The following NRG1 variants were observed in gnomAD, a reference collection of about 807,000 sequenced individuals.
NRG1 encodes the protein pro-neuregulin-1, membrane-bound isoform.
A neutral mutation model predicts 63.8 loss-of-function variants in NRG1; 18 were observed. The observed-to-expected ratio is 0.28, with a 90% CI of 0.19 to 0.42. The LOEUF is 0.42. Ranked by LOEUF, NRG1 falls within the 10% of genes least tolerant of loss-of-function variation. The pLI is 1.00. For missense variants in NRG1, 762 were observed against 814.7 expected, an observed-to-expected ratio of 0.94 and a Z score of 0.79; for synonymous variants, 302 against 301.3, an observed-to-expected ratio of 1.00 and a Z score of -0.02.
intron 1 of NRG1, among the ~76,000 whole-genome samples, chr8:31,820,056 C>T (rs775094630): frequency 6.6e-6 from 1 of 150,528 alleles, no homozygotes; most frequent in Non-Finnish European, 1.5e-5. Flanking sequence ...ATAACTGATA[C>T]TTCCTTTGTG....
intron 1 of NRG1, among the ~76,000 whole-genome samples, chr8:31,673,229 C>G (rs1242680944): frequency 6.6e-6 from 1 of 152,050 alleles, no homozygotes; most frequent in Non-Finnish European, 1.5e-5. Context: ...AGAAGAGAAT[C>G]CGTATCATAA....
intron 1 of NRG1, among the ~76,000 whole-genome samples, chr8:32,377,149 TAG>T (rs1809733597): frequency 6.6e-6 from 1 of 152,190 alleles, no homozygotes; most frequent in Non-Finnish European, 1.5e-5. Flanking sequence ...CCAGTGCACA[TAG>T]AGTGTTCAAC....
intron 1 of NRG1, among the ~76,000 whole-genome samples, chr8:32,365,375 G>T (rs1807823376): frequency 6.7e-6 from 1 of 150,150 alleles, no homozygotes; most frequent in Non-Finnish European, 1.5e-5. Flanking sequence ...GCTTTTTTTT[G>T]GACTTGCATT....
intron 1 of NRG1, among the ~76,000 whole-genome samples, chr8:32,247,252 G>A (rs1175352213): frequency 6.6e-6 from 1 of 151,936 alleles, no homozygotes. Context: ...GTGACATCGG[G>A]ACTCAAAGAA....
At chr8:32,677,162 T>C (rs1807343095) in intron 5 of NRG1, among the ~76,000 whole-genome samples, 1 of 152,114 alleles carries the variant, frequency 6.6e-6, no homozygotes, top group African/African-American at 2.4e-5. Flanking sequence ...TGAATCAAAT[T>C]TTCCTCTTCA....
At chr8:32,021,507 C>T (rs1011295409) in intron 1 of NRG1, among the ~76,000 whole-genome samples, 2 of 152,148 alleles carry the variant, frequency 1.3e-5, no homozygotes, top group Non-Finnish European at 2.9e-5. Flanking sequence ...AGGATCTGCC[C>T]TCATAACCCA....
intron 1 of NRG1, among the ~76,000 whole-genome samples, chr8:32,496,757 A>AT (rs1280521519): frequency 6.6e-6 from 1 of 152,148 alleles, no homozygotes; most frequent in African/African-American, 2.4e-5. Context: ...TATCACTATT[A>AT]TTTTAATTCA....
At chr8:32,659,349 T>C (rs921329930) in intron 5 of NRG1, among the ~76,000 whole-genome samples, 13 of 152,104 alleles carry the variant, frequency 8.5e-5, no homozygotes, top group Admixed American at 7.2e-4. Flanking sequence ...GGTTTCACCA[T>C]GTTGGCCAGG....
At chr8:32,518,657 A>G (rs916510245) in intron 1 of NRG1, among the ~76,000 whole-genome samples, 1 of 152,336 alleles carries the variant, frequency 6.6e-6, no homozygotes, top group Non-Finnish European at 1.5e-5. Flanking sequence ...AGTGCTTATT[A>G]CCATAAGGAT....
intron 1 of NRG1, among the ~76,000 whole-genome samples, chr8:32,130,936 T>C (rs932588715): frequency 2.6e-5 from 4 of 151,920 alleles, no homozygotes. Context: ...ATTCATATTT[T>C]TAAAGTCTAA....
intron 5 of NRG1, among the ~76,000 whole-genome samples, chr8:32,665,141 G>C (rs1254901021): frequency 6.6e-6 from 1 of 152,030 alleles, no homozygotes; most frequent in Non-Finnish European, 1.5e-5. Flanking sequence ...CCCTTTAATA[G>C]GCACTGGTAA....
chr8:31,733,018 G>C (rs1444102544), intron 1 of NRG1, among the ~76,000 whole-genome samples: 1 of 152,060 alleles, frequency 6.6e-6, no homozygotes, highest in African/African-American at 2.4e-5. Flanking sequence ...GTGTCCATGT[G>C]TATGCATTAT....
At chr8:32,634,002 G>A (rs757377768) in intron 5 of NRG1, among the ~76,000 whole-genome samples, 4 of 150,506 alleles carry the variant, frequency 2.7e-5, no homozygotes, top group Admixed American at 6.7e-5. Context: ...AAATTAGCCA[G>A]GTGTTGTGAC....
chr8:31,794,951 C>T (rs928370572), intron 1 of NRG1, among the ~76,000 whole-genome samples: 2 of 152,070 alleles, frequency 1.3e-5, no homozygotes, highest in Admixed American at 6.5e-5. Context: ...TACAGTCATG[C>T]GACACCACAG....
intron 1 of NRG1, among the ~76,000 whole-genome samples, chr8:31,851,712 C>A (rs1046579300): frequency 3.3e-5 from 5 of 150,600 alleles, no homozygotes; most frequent in Non-Finnish European, 3.0e-5. Flanking sequence ...CACCCACTAA[C>A]TCGTCATCTA....
intron 1 of NRG1, among the ~76,000 whole-genome samples, chr8:32,330,778 G>A (rs1802546093): frequency 6.6e-6 from 1 of 152,164 alleles, no homozygotes; most frequent in Non-Finnish European, 1.5e-5. Flanking sequence ...TCTGGGCCAC[G>A]GACCATGGCA....
chr8:32,390,616 AAAAG>A (rs1244377927), intron 1 of NRG1, among the ~76,000 whole-genome samples: 15 of 151,416 alleles, frequency 9.9e-5, no homozygotes, highest in South Asian at 4.2e-4. Context: ...AAAAAAAAAA[AAAAG>A]AAGAAGAAGA....
chr8:31,733,860 T>C (rs1814374071), intron 1 of NRG1, among the ~76,000 whole-genome samples: 1 of 152,154 alleles, frequency 6.6e-6, no homozygotes, highest in Admixed American at 6.6e-5. Flanking sequence ...CTTTGAAAGA[T>C]GTAAGTTTTC....
chr8:32,623,313 GA>G (rs144799216), intron 5 of NRG1, among the ~76,000 whole-genome samples: 4,726 of 152,070 alleles, frequency 0.031, 141 homozygotes, highest in African/African-American at 0.081. Context: ...TTTTATGGTA[GA>G]AAAAAACTTC....
Sources: gnomAD v4.1 joint callset for allele counts (sites outside exome capture counted in the v4.1 genomes callset) on GRCh38, gnomAD v4.1.1 for gene constraint, MANE v1.5 for transcripts, NCBI Gene and HGNC (gene_info 2026-07-23, HGNC 2026-07-21) for gene names.